The following FOLH1 variants were observed in gnomAD, a reference collection of about 807,000 sequenced individuals.
FOLH1 encodes folate hydrolase 1.
A neutral mutation model predicts 93.9 loss-of-function variants in FOLH1; 54 were observed. The ratio of observed to expected loss-of-function variants is 0.57; its 90% CI spans 0.46 to 0.72. The LOEUF (loss-of-function observed/expected upper bound fraction) is 0.72, where lower values mean the gene tolerates loss of function less well. Among genes scored for constraint, FOLH1 ranks in the 30% least tolerant of loss-of-function variants. The pLI, the probability that FOLH1 is intolerant of heterozygous loss-of-function variation, is 0.00. For synonymous variants in FOLH1, 249 were observed against 303.6 expected (o/e 0.82, Z 1.87); for missense variants, 571 against 892.5 (o/e 0.64, Z 4.59).
intron 17 of FOLH1, 140 bp from the exon 18 acceptor site, chr11:49,148,871 A>T (rs1308282127): frequency 1.6e-6 from 1 of 639,274 alleles, no homozygotes; most frequent in East Asian, 3.2e-5. Context: ...ATTTGTGCAT[A>T]CTCAAGTCCT....
At chr11:49,153,685 G>A (rs1236470663) in intron 17 of FOLH1, among the ~76,000 whole-genome samples, 161 bp downstream of exon 17, 15 of 152,028 alleles carry the variant, frequency 9.9e-5, no homozygotes, top group Non-Finnish European at 1.9e-4. Flanking sequence ...AAACCTGCAC[G>A]TTCTGTCCAT....
At chr11:49,198,187 A>G (rs1862836766) in intron 3 of FOLH1, among the ~76,000 whole-genome samples, 1 of 152,088 alleles carries the variant, frequency 6.6e-6, no homozygotes, top group African/African-American at 2.4e-5. Context: ...AAAAGAAGAA[A>G]AAAACGACAA....
rs1855822583 is a variant in FOLH1 at position 49,146,865 on chromosome 11, A to G, written c.2144T>C (p.Ile715Thr). ...CTTGGAAGGGTCCACTTTGCTTTCA[A>G]TATCAAACAGAGCATCATAAATTCC... ...FPGIYDALFD[I>T]ESKVDPSKAW... Residue 715 changes from isoleucine (I) to threonine (T), a missense_variant, in exon 19 of 19, where the codon ATT becomes ACT. By Grantham distance (89) the Ile-to-Thr change is moderately conservative. This residue lies in a region of FOLH1 where 500 missense variants were observed against 822.9 expected (regional missense o/e 0.61). Coordinates refer to ENST00000256999, the MANE Select transcript of FOLH1 (RefSeq NM_004476.3). 4 of 1,613,348 alleles carry G rather than the reference A, an allele frequency of 2.5e-6. No homozygotes were observed. The highest frequency in any genetic ancestry group is 1.7e-5 in the Admixed American group (1 of 59,894).
chr11:49,192,586 T>C (rs1862198185), intron 4 of FOLH1, among the ~76,000 whole-genome samples: 1 of 152,228 alleles, frequency 6.6e-6, no homozygotes, highest in African/African-American at 2.4e-5. Context: ...GTGCATCTCA[T>C]TGCAGTAAGT....
intron 1 of FOLH1, 75 bp downstream of exon 1, chr11:49,208,217 A>C (rs921598292): frequency 6.3e-6 from 7 of 1,104,064 alleles, no homozygotes; most frequent in African/African-American, 1.6e-5. Flanking sequence ...CCCACTCGGC[A>C]GCTGACCCGC....
At chr11:49,200,808 T>C (rs1225798757) in intron 2 of FOLH1, among the ~76,000 whole-genome samples, 1 of 152,168 alleles carries the variant, frequency 6.6e-6, no homozygotes, top group Admixed American at 6.5e-5. Context: ...AAATATTTTA[T>C]CCAAAAGATC....
chr11:49,194,217 A>G (rs1224207304), intron 3 of FOLH1, among the ~76,000 whole-genome samples: 1 of 152,130 alleles, frequency 6.6e-6, no homozygotes, highest in African/African-American at 2.4e-5. Flanking sequence ...ATGGAAAGTA[A>G]TGGCTTAGCG....
At chr11:49,161,669 A>G (rs1002302307) in intron 13 of FOLH1, among the ~76,000 whole-genome samples, 14 of 152,176 alleles carry the variant, frequency 9.2e-5, no homozygotes, top group African/African-American at 3.4e-4. Flanking sequence ...TCCTGTCATC[A>G]TGATGTTAGC....
At chr11:49,205,048 TA>T (rs1445162278) in intron 2 of FOLH1, among the ~76,000 whole-genome samples, 1 of 151,926 alleles carries the variant, frequency 6.6e-6, no homozygotes, top group Non-Finnish European at 1.5e-5. Flanking sequence ...CTGTCTCTAT[TA>T]AAAATACAAA....
At chr11:49,182,764 CAG>C in intron 7 of FOLH1, among the ~76,000 whole-genome samples, 1 of 152,274 alleles carries the variant, frequency 6.6e-6, no homozygotes, top group South Asian at 2.1e-4. Context: ...AGTTTTGCAT[CAG>C]AGGAGTCCAG....
Position 49,157,968 on chromosome 11 carries a change from A to T in FOLH1, c.1516T>A (p.Phe506Ile). Residue 506 changes from phenylalanine (F) to isoleucine (I), a missense_variant, in exon 14 of 19, where the codon TTC becomes ATC. Physicochemically the swap from Phe to Ile is conservative, Grantham distance 21. This residue lies in a region of FOLH1 where 500 missense variants were observed against 822.9 expected (regional missense o/e 0.61). Transcript: ENST00000256999. The part of the protein sequence containing the change: ...SWTKKSPSPE[F>I]SGMPRISKLG... ...TTTGTTTACCTGGGCATGCCACTGA[A>T]CTCTGGGGAAGGACTTTTTTTAGTC... 1 of 1,597,244 alleles carries T rather than the reference A, an allele frequency of 6.3e-7. No individual in the cohort carries two copies.
At chr11:49,195,840 A>G (rs202697) in intron 3 of FOLH1, among the ~76,000 whole-genome samples, 1 of 152,222 alleles carries the variant, frequency 6.6e-6, no homozygotes, top group Non-Finnish European at 1.5e-5. Context: ...AAAACTTATG[A>G]AAACTGACAT....
At chr11:49,188,512 CA>C (rs149444698) in intron 4 of FOLH1, among the ~76,000 whole-genome samples, 189 of 130,904 alleles carry the variant, frequency 1.4e-3, no homozygotes, top group Middle Eastern at 8.1e-3. Flanking sequence ...GACTTGGTCT[CA>C]AAAAAAAAAA....
intron 7 of FOLH1, among the ~76,000 whole-genome samples, chr11:49,181,869 T>C (rs187518459): frequency 4.7e-4 from 72 of 152,236 alleles, no homozygotes; most frequent in African/African-American, 1.6e-3. Flanking sequence ...CCTCCTCACC[T>C]CTAAAAATGA....
At chr11:49,177,644 C>T (rs1329364001) in intron 7 of FOLH1, among the ~76,000 whole-genome samples, 1 of 151,832 alleles carries the variant, frequency 6.6e-6, no homozygotes, top group Admixed American at 6.6e-5. Flanking sequence ...GGCAGCTGTG[C>T]CAATAGTAAA....
intron 4 of FOLH1, among the ~76,000 whole-genome samples, chr11:49,192,496 C>A (rs588458): frequency 0.49 from 75,163 of 152,064 alleles, 20,505 homozygotes; most frequent in African/African-American, 0.74. Context: ...AAGTGAAGGT[C>A]ATATGCTGTA....
At chr11:49,149,456 C>A (rs1856216070) in intron 17 of FOLH1, among the ~76,000 whole-genome samples, 1 of 152,038 alleles carries the variant, frequency 6.6e-6, no homozygotes, top group South Asian at 2.1e-4. Flanking sequence ...ATGCTTAATC[C>A]CCCTTTCACA....
At chr11:49,185,508 A>C (rs1861260525) in intron 6 of FOLH1, 161 bp downstream of exon 6, 1 of 921,916 alleles carries the variant, frequency 1.1e-6, no homozygotes, top group African/African-American at 1.7e-5. Context: ...TAAGGGGGTA[A>C]GGGGCCTGAA....
At chr11:49,197,926 G>C (rs1226545413) in intron 3 of FOLH1, among the ~76,000 whole-genome samples, 1 of 151,944 alleles carries the variant, frequency 6.6e-6, no homozygotes, top group African/African-American at 2.4e-5. Flanking sequence ...AGGCACTCAG[G>C]AAAATTATGT....
Sources: allele counts gnomAD v4.1 joint callset (sites outside exome capture counted in the v4.1 genomes callset), GRCh38; gene constraint gnomAD v4.1.1; regional missense constraint gnomAD v4.1.1; transcripts MANE v1.5; gene names NCBI Gene and HGNC (gene_info 2026-07-23, HGNC 2026-07-21).